The following AKAP14 variants were observed in gnomAD, a reference collection of about 807,000 sequenced individuals.
AKAP14 encodes A-kinase anchoring protein 14.
In AKAP14, 4 loss-of-function variants were observed where a neutral mutation model predicts 17.0. The ratio of observed to expected loss-of-function variants is 0.23; its 90% CI spans 0.12 to 0.54. The LOEUF (loss-of-function observed/expected upper bound fraction) is 0.54. Ranked by LOEUF, AKAP14 falls within the 20% of genes least tolerant of loss-of-function variation. The pLI, the probability that AKAP14 is intolerant of heterozygous loss-of-function variation, is 0.95. For missense variants in AKAP14, 129 were observed against 150.9 expected, an observed-to-expected ratio of 0.85 and a Z score of 0.76; for synonymous variants, 42 against 51.3, an observed-to-expected ratio of 0.82 and a Z score of 0.77.
intron 5 of AKAP14, among the ~76,000 whole-genome samples, chrX:119,918,395 C>A (rs2056670973): frequency 9.0e-6 from 1 of 111,554 alleles, no homozygotes; most frequent in African/African-American, 3.3e-5. Context: ...CCACACCCAG[C>A]TAATTTGTGT....
intron 5 of AKAP14, among the ~76,000 whole-genome samples, chrX:119,916,460 CT>C (rs1426762362): frequency 1.9e-5 from 2 of 107,810 alleles, no homozygotes; most frequent in African/African-American, 3.4e-5. Context: ...ATCTATCTAT[CT>C]ATCTATCTAT....
chrX:119,916,554 T>C (rs905505508), intron 5 of AKAP14, among the ~76,000 whole-genome samples: 1 of 107,893 alleles, frequency 9.3e-6, no homozygotes, highest in South Asian at 4.1e-4. Context: ...GGCAGTGGCA[T>C]GATCAGGGCT....
intron 4 of AKAP14, among the ~76,000 whole-genome samples, chrX:119,911,839 C>T (rs1422278837): frequency 2.7e-5 from 3 of 109,908 alleles, no homozygotes; most frequent in Admixed American, 2.0e-4. Context: ...GCTGGGATTA[C>T]ACCACGCCTG....
At chrX:119,898,513 C>A (rs976474504) in intron 2 of AKAP14, among the ~76,000 whole-genome samples, 2 of 110,978 alleles carry the variant, frequency 1.8e-5, no homozygotes, top group African/African-American at 3.3e-5. Context: ...GCCCTTTGTC[C>A]GGGCGTGGTG....
intron 5 of AKAP14, among the ~76,000 whole-genome samples, chrX:119,917,262 G>C (rs1243872884): frequency 9.0e-6 from 1 of 111,073 alleles, no homozygotes; most frequent in Non-Finnish European, 1.9e-5. Context: ...CAGATCACCT[G>C]AGGTCAGGAG....
chrX:119,915,479 C>CT lies in AKAP14; in HGVS notation c.441+602dup, dbSNP rs2056651740. Among the ~76,000 whole-genome samples, 3 of 105,985 alleles carry CT rather than the reference C, an allele frequency of 2.8e-5. No homozygotes were observed. In the Admixed American group the frequency reaches 3.2e-4, roughly 11 times the overall value. The allele number at this position is 105,985 out of a possible 115,157, so 92.0% of individuals were successfully genotyped here. A position where few individuals can be genotyped will look rare whatever the true frequency, so the allele number is the denominator to read the frequency against. ...AATCCATTAGGAAATCCTATTGGCT[C>CT]TACTTTCAAAAATATATCCAGAATC... On this transcript the variant is annotated intron_variant, in intron 5 of 6. Transcript: ENST00000371431.
chrX:119,910,942 G>T (rs184214868), intron 4 of AKAP14, among the ~76,000 whole-genome samples: 1,261 of 109,043 alleles, frequency 0.012, 24 homozygotes, highest in African/African-American at 0.039. Flanking sequence ...GATTACAGGC[G>T]TGAGCCACTG....
At chrX:119,915,790 G>C (rs780990097) in intron 5 of AKAP14, among the ~76,000 whole-genome samples, 1 of 108,471 alleles carries the variant, frequency 9.2e-6, no homozygotes, top group Non-Finnish European at 1.9e-5. Flanking sequence ...ACAGGCTTGA[G>C]CCACCGTGCC....
intron 4 of AKAP14, among the ~76,000 whole-genome samples, chrX:119,913,656 A>G (rs1375457547): frequency 9.0e-6 from 1 of 111,680 alleles, no homozygotes; most frequent in African/African-American, 3.2e-5. Context: ...CATGCCTGTA[A>G]TCCCAGCTAC....
chrX:119,908,963 G>A (rs2056612868), intron 4 of AKAP14, among the ~76,000 whole-genome samples: 1 of 111,428 alleles, frequency 9.0e-6, no homozygotes. Flanking sequence ...TTCTAGTGGG[G>A]TGGAGAAAGC....
At chrX:119,911,960 C>T (rs1228326660) in intron 4 of AKAP14, among the ~76,000 whole-genome samples, 2 of 103,128 alleles carry the variant, frequency 1.9e-5, no homozygotes, top group Non-Finnish European at 3.9e-5. Flanking sequence ...GATGGAGTTT[C>T]GCTCTTGTCG....
At chrX:119,910,671 CT>C (rs1255699441) in intron 4 of AKAP14, among the ~76,000 whole-genome samples, 5 of 110,577 alleles carry the variant, frequency 4.5e-5, no homozygotes, top group African/African-American at 1.6e-4. Context: ...TATTCTTCTT[CT>C]TTTTTTTGAG....
chrX:119,909,785 T>G (rs1431503233), intron 4 of AKAP14, among the ~76,000 whole-genome samples: 1 of 107,540 alleles, frequency 9.3e-6, no homozygotes, highest in Non-Finnish European at 1.9e-5. Flanking sequence ...CTCAGGAGGC[T>G]GAGGAAGGAG....
At chrX:119,898,311 G>A (rs1257949478) in intron 2 of AKAP14, among the ~76,000 whole-genome samples, 1 of 111,933 alleles carries the variant, frequency 8.9e-6, no homozygotes, top group African/African-American at 3.3e-5. Flanking sequence ...AGGTAACAGA[G>A]CAAGACTCTA....
intron 4 of AKAP14, among the ~76,000 whole-genome samples, chrX:119,913,473 T>C (rs1010878827): frequency 8.9e-6 from 1 of 112,319 alleles, no homozygotes; most frequent in African/African-American, 3.2e-5. Context: ...TATGTACATG[T>C]AGACATTGAA....
intron 2 of AKAP14, among the ~76,000 whole-genome samples, chrX:119,901,181 T>C (rs2428236): frequency 0.38 from 42,276 of 110,680 alleles, 6,270 homozygotes; most frequent in African/African-American, 0.52. Flanking sequence ...AGCAAGGCCA[T>C]TAAAGTCAGA....
intron 2 of AKAP14, among the ~76,000 whole-genome samples, chrX:119,902,808 C>T (rs1353628573): frequency 1.8e-5 from 2 of 111,447 alleles, no homozygotes; most frequent in Non-Finnish European, 3.8e-5. Flanking sequence ...TGTCCTGCCT[C>T]AGCCTCCCAA....
At position 119,920,519 on chromosome X, in the gene AKAP14, T is replaced by C. The variant is rs1373559442; in HGVS notation, c.506T>C (p.Val169Ala). 1 of 1,207,566 alleles carries C rather than the reference T, an allele frequency of 8.3e-7. No individual in the cohort carries two copies. The highest frequency in any genetic ancestry group is 2.2e-5 in the Admixed American group (1 of 45,939). The change falls in exon 7 of 7, where the codon GTT becomes GCT. Residue 169 changes from valine to alanine, a missense_variant. Val to Ala is a moderately conservative substitution (Grantham distance 64, BLOSUM62 0). Coordinates refer to ENST00000371431, the MANE Select transcript of AKAP14 (RefSeq NM_178813.6). ...TTCTTCCTTTGTAGACCAGGAATGG[T>C]TCGCTTTCGAGAAAACTGGCAGAAG... Reference protein sequence around the residue: ...HQALVHRPGMVRFRENWQKNL... With the variant: ...HQALVHRPGMARFRENWQKNL...
intron 2 of AKAP14, among the ~76,000 whole-genome samples, chrX:119,898,481 T>C (rs2056544310): frequency 9.0e-6 from 1 of 111,674 alleles, no homozygotes; most frequent in Non-Finnish European, 1.9e-5. Flanking sequence ...AATGATGATG[T>C]CAAGAAAGGA....
Sources: allele counts gnomAD v4.1 joint callset (sites outside exome capture counted in the v4.1 genomes callset), GRCh38; gene constraint gnomAD v4.1.1; transcripts MANE v1.5; gene names NCBI Gene and HGNC (gene_info 2026-07-23, HGNC 2026-07-21).